SUN3: variants seen among roughly 807,000 people sequenced by gnomAD.
SUN3 encodes the protein SUN domain-containing protein 3.
A neutral mutation model predicts 48.2 loss-of-function variants in SUN3; 36 were observed. The ratio of observed to expected loss-of-function variants is 0.75; its 90% CI spans 0.57 to 0.99. SUN3 has a LOEUF of 0.99. Among genes scored for constraint, SUN3 ranks in the 50% least tolerant of loss-of-function variants. The pLI, the probability that SUN3 is intolerant of heterozygous loss-of-function variation, is 0.00. For synonymous variants in SUN3, 148 were observed against 147.9 expected (o/e 1.00, Z 0.00); for missense variants, 419 against 433.1 (o/e 0.97, Z 0.29).
chr7:47,992,989 T>TA (rs1038902306), intron 8 of SUN3, among the ~76,000 whole-genome samples: 1 of 151,550 alleles, frequency 6.6e-6, no homozygotes, highest in African/African-American at 2.4e-5. Context: ...TTATCTCTAC[T>TA]AAAAAATTTA....
At position 48,005,990 on chromosome 7, in the gene SUN3, C is replaced by G. The variant is rs1789514635; in HGVS notation, c.556G>C (p.Asp186His). 1 of 1,612,602 alleles carries G rather than the reference C, an allele frequency of 6.2e-7. No homozygotes were observed. Among genetic ancestry groups the G allele is most frequent in the Non-Finnish European group, 8.5e-7 (1 of 1,179,436 alleles). ...TCACCGGCCGACTTCAGGGCATAAT[C>G]AGCCATCTCGACTTGGTCTTCTCTC... is the stretch of plus-strand genomic sequence containing the variant. ...KLREDQVEMADYALKSAGASI... is the reference protein window; with the variant it reads ...KLREDQVEMAHYALKSAGASI... Residue 186 changes from aspartate (D) to histidine (H), a missense_variant, in exon 6 of 10, where the codon GAT (aspartate) becomes CAT (histidine). Physicochemically the swap from Asp to His is moderately conservative, Grantham distance 81 (BLOSUM62 -1). Coordinates refer to ENST00000297325, the MANE Select transcript of SUN3 (RefSeq NM_001030019.2).
chr7:48,015,484 T>TTGGAATGTG (rs1789787249), intron 3 of SUN3, among the ~76,000 whole-genome samples: 2 of 152,132 alleles, frequency 1.3e-5, no homozygotes, highest in Admixed American at 6.5e-5. Flanking sequence ...CTTTTGGGAC[T>TTGGAATGTG]TCACATGGCA....
At chr7:48,001,380 C>T (rs1261559449) in intron 6 of SUN3, among the ~76,000 whole-genome samples, 6 of 152,058 alleles carry the variant, frequency 3.9e-5, no homozygotes, top group Non-Finnish European at 7.4e-5. Context: ...GGATAATGGC[C>T]TCCAGCTCCA....
intron 6 of SUN3, among the ~76,000 whole-genome samples, chr7:47,998,623 C>T (rs1163582089): frequency 6.6e-6 from 1 of 151,954 alleles, no homozygotes; most frequent in Non-Finnish European, 1.5e-5. Flanking sequence ...TTTAAGAAAA[C>T]TTTTTCTAAC....
intron 8 of SUN3, among the ~76,000 whole-genome samples, chr7:47,990,336 C>T (rs1789018968): frequency 6.6e-6 from 1 of 152,104 alleles, no homozygotes; most frequent in African/African-American, 2.4e-5. Context: ...AAGCACAGCA[C>T]TTTTTTCTTT....
intron 5 of SUN3, among the ~76,000 whole-genome samples, chr7:48,006,833 T>C (rs914562575): frequency 6.6e-6 from 1 of 152,240 alleles, no homozygotes; most frequent in Non-Finnish European, 1.5e-5. Context: ...GCTATGAAGA[T>C]GATGAATGCA....
chr7:48,029,953 G>C (rs1325286193), upstream of SUN3, among the ~76,000 whole-genome samples: 1 of 152,112 alleles, frequency 6.6e-6, no homozygotes, highest in Non-Finnish European at 1.5e-5. Flanking sequence ...GTATTTTAGT[G>C]TATCCAGGTT....
At chr7:47,991,568 G>A (rs1334538231) in intron 8 of SUN3, among the ~76,000 whole-genome samples, 1 of 151,632 alleles carries the variant, frequency 6.6e-6, no homozygotes, top group Non-Finnish European at 1.5e-5. Flanking sequence ...CCTATATAAG[G>A]CAAAAGTGGG....
At position 47,996,135 on chromosome 7, in the gene SUN3, T is replaced by A. The variant is rs544941779; in HGVS notation, c.589A>T (p.Ile197Phe). Residue 197 changes from isoleucine to phenylalanine, a missense_variant, in exon 7 of 10, where the codon ATT (isoleucine) becomes TTT (phenylalanine). Coordinates refer to ENST00000297325, the MANE Select transcript of SUN3 (RefSeq NM_001030019.2). ...YALKSAGASI[I>F]EAGTSESYKN... Reference sequence around the variant, plus strand: ...TAACTTTCTGAGGTCCCAGCTTCAATGATGGAGGCTCCTAAAATTATAAAG... The same window carrying A: ...TAACTTTCTGAGGTCCCAGCTTCAAAGATGGAGGCTCCTAAAATTATAAAG... 6.4e-7 allele frequency: 1 copy of A among 1,561,214 alleles called. No individual in the cohort carries two copies. The highest frequency in any genetic ancestry group is 8.7e-7 in the Non-Finnish European group (1 of 1,150,524).
At chr7:47,993,433 A>G (rs1789120754) in intron 8 of SUN3, among the ~76,000 whole-genome samples, 1 of 152,256 alleles carries the variant, frequency 6.6e-6, no homozygotes, top group South Asian at 2.1e-4. Context: ...TGAATAGATA[A>G]ATAAAATGTC....
intron 8 of SUN3, among the ~76,000 whole-genome samples, chr7:47,990,586 C>G (rs916537542): frequency 6.6e-6 from 1 of 151,676 alleles, no homozygotes; most frequent in Non-Finnish European, 1.5e-5. Context: ...TCAAGTCTCT[C>G]GTTCCACCTG....
At chr7:47,994,620 GGTT>G (rs1326614098) in intron 7 of SUN3, 138 bp from the exon 8 acceptor site, 1 of 825,026 alleles carries the variant, frequency 1.2e-6, no homozygotes, top group African/African-American at 1.8e-5. Flanking sequence ...CCTCTAGTGT[GGTT>G]GTTCTTCCAG....
rs1788923586 is a variant in SUN3, at chr7:47,987,172, A to G, written c.*158T>C. 1.7e-6 allele frequency: 1 copy of G among 577,752 alleles called. No individual in the cohort carries two copies. Among genetic ancestry groups the G allele is most frequent in the Non-Finnish European group, 2.7e-6 (1 of 365,148 alleles). 35.8% of individuals were successfully genotyped at this position (577,752 alleles called of 1,614,324 possible). On this transcript the variant is annotated 3_prime_UTR_variant, in exon 10 of 10. Coordinates refer to ENST00000297325, the MANE Select transcript of SUN3 (RefSeq NM_001030019.2). ...ATTTAATTTACTTCCATATTTTTTTATTAGTAAAATGCATTTACTTTTTAC... is the reference window on the plus strand; with the variant it reads ...ATTTAATTTACTTCCATATTTTTTTGTTAGTAAAATGCATTTACTTTTTAC...
rs1583774844 is a variant in SUN3 at position 48,017,301 on chromosome 7, G to A, written c.249C>T (p.Ala83=). Residue 83 remains alanine (A), a synonymous_variant, in exon 3 of 10, where the codon GCC becomes GCT. Coordinates refer to ENST00000297325, the MANE Select transcript of SUN3 (RefSeq NM_001030019.2). ...GCCTTGAACCATATTCTGCAATTAT[G>A]GCATATAATTGTCTGGATTTCTGAG... ...DVPQKSRQLY[A]IIAEYGSRLY... is the part of the protein sequence containing the mutation. The A allele has an allele frequency of 6.2e-7, 1 of 1,606,172 alleles. No homozygotes were observed. Among genetic ancestry groups the A allele is most frequent in the Admixed American group, 1.7e-5 (1 of 59,688 alleles).
At chr7:48,024,583 G>C (rs1156880778) in intron 2 of SUN3, among the ~76,000 whole-genome samples, 1 of 152,114 alleles carries the variant, frequency 6.6e-6, no homozygotes, top group East Asian at 1.9e-4. Flanking sequence ...AATATCTGAG[G>C]TTGGGTAATT....
chr7:48,032,812 A>G, upstream of SUN3, among the ~76,000 whole-genome samples: 1 of 116,924 alleles, frequency 8.6e-6, no homozygotes, highest in South Asian at 2.7e-4. Flanking sequence ...GTAACAAGGC[A>G]GGGCAAAAGT....
chr7:48,023,642 C>A (rs1245151909), intron 2 of SUN3, among the ~76,000 whole-genome samples: 1 of 152,066 alleles, frequency 6.6e-6, no homozygotes, highest in Non-Finnish European at 1.5e-5. Context: ...CAGAGGCTGG[C>A]AGAATGAATT....
At chr7:48,035,489 C>A in the SUN3 span, 1 of 697,212 alleles carries the variant, frequency 1.4e-6, no homozygotes, top group South Asian at 1.5e-5. The surrounding 1 kb of genome is among the most constrained non-coding windows in gnomAD (Gnocchi z 4.0). Flanking sequence ...GTTGGCCGTT[C>A]AGCCGTTGCC....
Position 48,006,010 on chromosome 7 carries a change from TC to T in SUN3, c.535del (p.Glu179LysfsTer11). On this transcript the variant is annotated frameshift_variant, in exon 6 of 10. Coordinates refer to ENST00000297325, the MANE Select transcript of SUN3 (RefSeq NM_001030019.2). LOFTEE classifies it high-confidence loss of function. ...ATAATCAGCCATCTCGACTTGGTCT[TC>T]TCTCAACTTTTTAAGTACATAATTG... Reference protein sequence around the residue: ...LVNYVLKKLREDQVEMADYAL... With the variant: ...LVNYVLKKLRXDQVEMADYAL... 6.2e-7 allele frequency: 1 copy of T among 1,613,642 alleles called. No individual in the cohort carries two copies. Among genetic ancestry groups the T allele is most frequent in the Non-Finnish European group, 8.5e-7 (1 of 1,179,808 alleles).
Sources: gnomAD v4.1 joint callset for allele counts (sites outside exome capture counted in the v4.1 genomes callset) on GRCh38, gnomAD v4.1.1 for gene constraint, Gnocchi (gnomAD v3.1) non-coding constraint, MANE v1.5 for transcripts, NCBI Gene and HGNC (gene_info 2026-07-23, HGNC 2026-07-21) for gene names.